Variants in GALNT13 observed in about 807,000 individuals in gnomAD.
GALNT13 encodes the protein UDP-GalNAc:polypeptide N-acetylgalactosaminyltransferase 13.
GALNT13 carries 28 observed loss-of-function variants against 64.2 expected under a neutral mutation model. The observed-to-expected ratio is 0.44, with a 90% confidence interval of 0.32 to 0.60. The LOEUF (loss-of-function observed/expected upper bound fraction) is 0.60, where lower values mean the gene tolerates loss of function less well. Ranked by LOEUF, GALNT13 falls within the 20% of genes least tolerant of loss-of-function variation. GALNT13 has a pLI of 0.05. For missense variants in GALNT13, 577 were observed against 669.8 expected (o/e 0.86, Z 1.53); for synonymous variants, 214 against 224.6 (o/e 0.95, Z 0.42).
chr2:153,132,097 G>T, the GALNT13 span, among the ~76,000 whole-genome samples: 1 of 152,152 alleles, frequency 6.6e-6, no homozygotes, highest in South Asian at 2.1e-4. Flanking sequence ...TCATGTATAG[G>T]TGATTTCAGA....
the GALNT13 span, among the ~76,000 whole-genome samples, chr2:153,465,844 A>G: frequency 4.6e-5 from 7 of 152,012 alleles, no homozygotes; most frequent in South Asian, 6.2e-4. Context: ...TTTGCACAAT[A>G]AGGAAGATGT....
the GALNT13 span, among the ~76,000 whole-genome samples, chr2:153,305,047 T>C: frequency 6.6e-6 from 1 of 152,124 alleles, no homozygotes; most frequent in Non-Finnish European, 1.5e-5. Flanking sequence ...GTAATTTAAA[T>C]TTTTACTTTG....
the GALNT13 span, among the ~76,000 whole-genome samples, chr2:153,448,361 C>T: frequency 6.6e-6 from 1 of 152,046 alleles, no homozygotes; most frequent in Non-Finnish European, 1.5e-5. Flanking sequence ...ATCGTATTTT[C>T]TTTCTATTCC....
At chr2:154,383,134 A>G (rs1215245767) in intron 9 of GALNT13, among the ~76,000 whole-genome samples, 1 of 151,974 alleles carries the variant, frequency 6.6e-6, no homozygotes, top group African/African-American at 2.4e-5. Flanking sequence ...TTCATCTGGT[A>G]TACAACAGAA....
intron 3 of GALNT13, among the ~76,000 whole-genome samples, chr2:154,104,984 T>C (rs1468196767): frequency 1.3e-5 from 2 of 152,148 alleles, no homozygotes; most frequent in Non-Finnish European, 2.9e-5. Flanking sequence ...TTGCCCAGAC[T>C]TGTGAGGGCA....
chr2:153,858,585 T>A, the GALNT13 span, among the ~76,000 whole-genome samples: 1 of 152,178 alleles, frequency 6.6e-6, no homozygotes, highest in East Asian at 1.9e-4. Flanking sequence ...TATATAACTT[T>A]TATTTCAGTG....
chr2:153,655,042 AAC>A, the GALNT13 span, among the ~76,000 whole-genome samples: 1 of 152,160 alleles, frequency 6.6e-6, no homozygotes, highest in African/African-American at 2.4e-5. Flanking sequence ...TAACTAGTAT[AAC>A]TTGCAAATTC....
the GALNT13 span, among the ~76,000 whole-genome samples, chr2:153,758,909 A>T: frequency 6.6e-6 from 1 of 152,154 alleles, no homozygotes; most frequent in African/African-American, 2.4e-5. Flanking sequence ...ACATTTTAAC[A>T]ATATTAATTC....
At chr2:153,899,114 G>A (rs2105287531) in intron 1 of GALNT13, among the ~76,000 whole-genome samples, 1 of 152,234 alleles carries the variant, frequency 6.6e-6, no homozygotes, top group African/African-American at 2.4e-5. Context: ...TAAAAACCAT[G>A]GTGTGGGACA....
chr2:153,697,136 C>T, the GALNT13 span, among the ~76,000 whole-genome samples: 303 of 152,272 alleles, frequency 2.0e-3, 1 homozygote, highest in Non-Finnish European at 3.5e-3. Flanking sequence ...AGTGCAGTTG[C>T]AGCAATTTCT....
chr2:154,251,131 AG>A (rs1690047576), intron 7 of GALNT13, among the ~76,000 whole-genome samples: 1 of 152,154 alleles, frequency 6.6e-6, no homozygotes, highest in South Asian at 2.1e-4. Flanking sequence ...TGTTGGGATG[AG>A]AAGAAAACTA....
At chr2:153,787,163 A>G in the GALNT13 span, among the ~76,000 whole-genome samples, 1 of 152,162 alleles carries the variant, frequency 6.6e-6, no homozygotes, top group African/African-American at 2.4e-5. Flanking sequence ...GCTGTGATCT[A>G]TGTCCAGCAC....
chr2:154,072,213 T>A (rs1305538406), intron 3 of GALNT13, among the ~76,000 whole-genome samples: 1 of 152,112 alleles, frequency 6.6e-6, no homozygotes, highest in Non-Finnish European at 1.5e-5. Context: ...CAAAGAAATT[T>A]ATGCTCATGT....
chr2:154,314,922 C>G (rs1168802552), intron 9 of GALNT13, among the ~76,000 whole-genome samples: 1 of 152,080 alleles, frequency 6.6e-6, no homozygotes, highest in African/African-American at 2.4e-5. Context: ...GCCTAAATTC[C>G]TATGTTATAC....
the GALNT13 span, among the ~76,000 whole-genome samples, chr2:153,259,164 T>C: frequency 6.6e-6 from 1 of 152,170 alleles, no homozygotes; most frequent in Non-Finnish European, 1.5e-5. Context: ...TTGACCCCCT[T>C]ATCATTGTAT....
the GALNT13 span, among the ~76,000 whole-genome samples, chr2:153,825,385 A>G: frequency 6.6e-6 from 1 of 152,224 alleles, no homozygotes; most frequent in Non-Finnish European, 1.5e-5. Flanking sequence ...CAATTTCAGC[A>G]TTAGAATCAA....
chr2:154,291,688 C>A (rs1692646091), intron 8 of GALNT13, among the ~76,000 whole-genome samples: 1 of 152,204 alleles, frequency 6.6e-6, no homozygotes, highest in South Asian at 2.1e-4. Flanking sequence ...TCCCTCCACA[C>A]CTCCTGGCCA....
At chr2:153,410,441 G>A in the GALNT13 span, among the ~76,000 whole-genome samples, 1 of 152,158 alleles carries the variant, frequency 6.6e-6, no homozygotes, top group Non-Finnish European at 1.5e-5. Context: ...AATATTCAAA[G>A]TAAGAGTACA....
intron 2 of GALNT13, among the ~76,000 whole-genome samples, chr2:153,901,436 G>A (rs1441340044): frequency 6.6e-6 from 1 of 152,116 alleles, no homozygotes. Flanking sequence ...TATCAATCTT[G>A]ATTCTTCCTG....
Sources: allele counts gnomAD v4.1 joint callset (sites outside exome capture counted in the v4.1 genomes callset), GRCh38; gene constraint gnomAD v4.1.1; transcripts MANE v1.5; gene names NCBI Gene and HGNC (gene_info 2026-07-23, HGNC 2026-07-21).